RFX2: variants seen among roughly 807,000 people sequenced by gnomAD.
RFX2 encodes DNA-binding protein RFX2.
A neutral mutation model predicts 87.8 loss-of-function variants in RFX2; 20 were observed. The observed-to-expected ratio is 0.23, with a 90% CI of 0.16 to 0.33. The LOEUF is 0.33. RFX2 is among the 10% of genes least tolerant of loss of function. The pLI, the probability that RFX2 is intolerant of heterozygous loss-of-function variation, is 1.00. For missense variants in RFX2, 767 were observed against 1,012.3 expected, an observed-to-expected ratio of 0.76 and a Z score of 3.29; for synonymous variants, 397 against 431.3, an observed-to-expected ratio of 0.92 and a Z score of 0.98.
At chr19:6,068,830 C>A (rs1020245325) in intron 1 of RFX2, among the ~76,000 whole-genome samples, 1 of 152,086 alleles carries the variant, frequency 6.6e-6, no homozygotes, top group African/African-American at 2.4e-5. Context: ...TTTAACCAGG[C>A]CCCTCTGGCT....
In RFX2 at chr19:6,008,379, T is replaced by C. The variant is rs183550614; in HGVS notation, c.1016-155A>G. 1,585 of 463,768 alleles carry C rather than the reference T, an allele frequency of 3.4e-3. 21 individuals are homozygous for C. Among genetic ancestry groups the C allele is most frequent in the African/African-American group, 0.025 (1,244 of 49,146 alleles). 28.7% of individuals were successfully genotyped at this position (463,768 alleles called of 1,614,324 possible). Reference sequence around the variant, plus strand: ...TTTTTCTTTCTTTTTCTTTTTCTTTTTTTTTTTTTTGGAGACAGGGCCTTG... The same window carrying C: ...TTTTTCTTTCTTTTTCTTTTTCTTTCTTTTTTTTTTGGAGACAGGGCCTTG... On this transcript the variant is annotated intron_variant, in intron 9 of 17. Coordinates refer to ENST00000303657, the MANE Select transcript of RFX2 (RefSeq NM_000635.4).
Position 6,003,685 on chromosome 19 carries a change from A to G in RFX2, c.1500+516T>C, listed in dbSNP as rs537706983. ...TCCCAGCTATTCGGGAGGCTGAGGC[A>G]GGAGAATCGCTTGAACCCGGGAGGC... is the stretch of plus-strand genomic sequence containing the variant. On this transcript the variant is annotated intron_variant, in intron 13 of 17. Coordinates refer to ENST00000303657, the MANE Select transcript of RFX2 (RefSeq NM_000635.4). 8.2e-4 allele frequency among the ~76,000 whole-genome samples: 121 copies of G among 147,804 alleles called. 1 individual carries two copies. The highest frequency in any genetic ancestry group is 3.4e-3 in the Middle Eastern group (1 of 292).
intron 5 of RFX2, among the ~76,000 whole-genome samples, chr19:6,038,503 T>A (rs553875640): frequency 2.0e-5 from 3 of 150,552 alleles, no homozygotes; most frequent in South Asian, 2.1e-4. Flanking sequence ...AAAATTAAAA[T>A]TTTTTTTTTC....
In RFX2 at chr19:6,042,074, C is replaced by T. The variant is rs773074998; in HGVS notation, c.230G>A (p.Gly77Glu). The T allele has an allele frequency of 6.2e-7, 1 of 1,613,884 alleles. No individual in the cohort carries two copies. Among genetic ancestry groups the T allele is most frequent in the Non-Finnish European group, 8.5e-7 (1 of 1,180,008 alleles). ...TCCATTGGTGTAGACGGCGTCTCCC[C>T]CTTCCACGTACTGCACCTGGGCAGG... ...VYPAQVQYVE[G>E]GDAVYTNGAI... The change falls in exon 4 of 18, where the codon GGG becomes GAG. Residue 77 changes from glycine (G) to glutamate (E), a missense_variant. By Grantham distance (98) the Gly-to-Glu change is moderately conservative. This residue lies in a region of RFX2 where 146 missense variants were observed against 139.2 expected (regional missense o/e 1.05). Coordinates refer to ENST00000303657, the MANE Select transcript of RFX2 (RefSeq NM_000635.4).
At chr19:6,098,632 C>T (rs1475114710) in intron 1 of RFX2, among the ~76,000 whole-genome samples, 1 of 151,876 alleles carries the variant, frequency 6.6e-6, no homozygotes, top group African/African-American at 2.4e-5. Context: ...TTAAAGATAC[C>T]TTAACACCCA....
In RFX2 at chr19:6,001,507, C is replaced by T. The variant is rs531867135; in HGVS notation, c.1859+308G>A. Among the ~76,000 whole-genome samples the T allele has an allele frequency of 3.3e-5, 5 of 152,322 alleles. No individual in the cohort carries two copies. In the East Asian group the frequency reaches 9.6e-4, roughly 29 times the overall value. On this transcript the variant is annotated intron_variant, in intron 15 of 17. Transcript: ENST00000303657. The surrounding 1 kb of genome is among the most constrained non-coding windows in gnomAD (Gnocchi z 5.6). ...TTCTGGTCTCAAGCCATCCTCCTGC[C>T]TTGGCCTCCCAAAGTGGTGGGATTA...
At chr19:6,041,241 G>A (rs939933371) in intron 4 of RFX2, among the ~76,000 whole-genome samples, 2 of 152,054 alleles carry the variant, frequency 1.3e-5, no homozygotes, top group African/African-American at 4.8e-5. Context: ...GGTGTGCACC[G>A]CCACAGTGGC....
rs1221697967 is a variant in RFX2, at chr19:6,039,318, G to A, written c.522+662C>T. ...CCAAGGGCTGGGGATGGGGGAGGTT[G>A]TGACTGCCAAGAAATACCACGAGGG... On this transcript the variant is annotated intron_variant, in intron 5 of 17. Transcript: ENST00000303657. This position sits in a 1 kb window ranked among gnomAD's most constrained non-coding sequence, Gnocchi z 5.2. Among the ~76,000 whole-genome samples, 1 of 152,238 alleles carries A rather than the reference G, an allele frequency of 6.6e-6. No homozygotes were observed. Among genetic ancestry groups the A allele is most frequent in the Non-Finnish European group, 1.5e-5 (1 of 68,036 alleles).
chr19:6,100,963 A>G (rs2088118431), intron 1 of RFX2, among the ~76,000 whole-genome samples: 1 of 151,718 alleles, frequency 6.6e-6, no homozygotes, highest in Non-Finnish European at 1.5e-5. Flanking sequence ...CAGTAAAAAT[A>G]CCAGGATTTA....
At position 6,064,538 on chromosome 19, in the gene RFX2, T is replaced by G. The variant is rs1480833402; in HGVS notation, c.-8-17034A>C. The stretch of plus-strand genomic sequence containing the variant: ...GAGGAGTGGACCTTGAAATGACAAG[T>G]GACAGTTCCTCAGCAGTAGCATCTC... On this transcript the variant is annotated intron_variant, in intron 1 of 17. Coordinates refer to ENST00000303657, the MANE Select transcript of RFX2 (RefSeq NM_000635.4). This position sits in a 1 kb window ranked among gnomAD's most constrained non-coding sequence, Gnocchi z 4.8. Among the ~76,000 whole-genome samples the G allele has an allele frequency of 6.6e-6, 1 of 152,220 alleles. No individual in the cohort carries two copies. Among genetic ancestry groups the G allele is most frequent in the Non-Finnish European group, 1.5e-5 (1 of 68,038 alleles).
chr19:6,007,761 G>C lies in RFX2; in HGVS notation c.1176C>G (p.Ile392Met), dbSNP rs189822363. Reference protein sequence around the residue: ...DVVMNLQFHYIEKLWLSFWNS... With the variant: ...DVVMNLQFHYMEKLWLSFWNS... ...TCCAGAAGGAGAGCCACAGCTTCTC[G>C]ATGTAGTGGAACTGGAGGTTCATCA... is the stretch of plus-strand genomic sequence containing the variant. Residue 392 changes from isoleucine (I) to methionine (M), a missense_variant, in exon 11 of 18, where the codon ATC becomes ATG. Ile to Met is a conservative substitution (Grantham distance 10). Coordinates refer to ENST00000303657, the MANE Select transcript of RFX2 (RefSeq NM_000635.4). The surrounding 1 kb of genome is among the most constrained non-coding windows in gnomAD (Gnocchi z 8.2). 6 of 1,555,222 alleles carry C rather than the reference G, an allele frequency of 3.9e-6. No individual in the cohort carries two copies. Among genetic ancestry groups the C allele is most frequent in the East Asian group, 2.4e-5 (1 of 41,370 alleles).
Position 6,016,327 on chromosome 19 carries a change from C to T in RFX2, c.598-56G>A. On this transcript the variant is annotated intron_variant, in intron 6 of 17. Transcript: ENST00000303657. The surrounding 1 kb of genome is among the most constrained non-coding windows in gnomAD (Gnocchi z 5.4). Reference sequence around the variant, plus strand: ...CAGAAGCCTGAGGAACGCTAACATGCCAACGTGGACTCATTAAGAGAATTA... The same window carrying T: ...CAGAAGCCTGAGGAACGCTAACATGTCAACGTGGACTCATTAAGAGAATTA... The T allele has an allele frequency of 1.6e-6, 2 of 1,266,364 alleles. No individual in the cohort carries two copies. The highest frequency in any genetic ancestry group is 2.2e-6 in the Non-Finnish European group (2 of 903,340). The allele number at this position is 1,266,364 out of a possible 1,614,324, so 78.4% of individuals were successfully genotyped here. A position where few individuals can be genotyped will look rare whatever the true frequency, so the allele number is the denominator to read the frequency against.
rs1440569875 is a variant in RFX2, at chr19:6,050,013, G to A, written c.-8-2509C>T. Among the ~76,000 whole-genome samples, 1 of 152,234 alleles carries A rather than the reference G, an allele frequency of 6.6e-6. No individual in the cohort carries two copies. The highest frequency in any genetic ancestry group is 2.4e-5 in the African/African-American group (1 of 41,452). On this transcript the variant is annotated intron_variant, in intron 1 of 17. Transcript: ENST00000303657. This position sits in a 1 kb window ranked among gnomAD's most constrained non-coding sequence, Gnocchi z 4.6. ...ATGCTGGGGTGTGGAGATTCTGGAAGAGAGAGAGCCACAGAAGGGGTGAGC... is the reference window on the plus strand; with the variant it reads ...ATGCTGGGGTGTGGAGATTCTGGAAAAGAGAGAGCCACAGAAGGGGTGAGC...
intron 1 of RFX2, among the ~76,000 whole-genome samples, chr19:6,103,499 C>T (rs2088160189): frequency 6.6e-6 from 1 of 152,274 alleles, no homozygotes; most frequent in African/African-American, 2.4e-5. Context: ...CCAAGTGGCT[C>T]ATTTCCAGAC....
In RFX2 at chr19:6,053,921, A is replaced by C. The variant is rs180713860; in HGVS notation, c.-8-6417T>G. ...CAGTGAGCTGAGATTGCACTACTGC[A>C]CTCCAGCCTGGGTGACAGAGCAAGA... On this transcript the variant is annotated intron_variant, in intron 1 of 17. Coordinates refer to ENST00000303657, the MANE Select transcript of RFX2 (RefSeq NM_000635.4). Among the ~76,000 whole-genome samples the C allele has an allele frequency of 2.6e-3, 377 of 145,936 alleles. 3 individuals are homozygous for C. The highest frequency in any genetic ancestry group is 9.2e-3 in the African/African-American group (356 of 38,764).
chr19:6,031,974 G>A (rs10402138), intron 5 of RFX2, among the ~76,000 whole-genome samples: 21,401 of 152,044 alleles, frequency 0.14, 4,686 homozygotes, highest in African/African-American at 0.47. Flanking sequence ...ACACGAGACA[G>A]AGAGGGCCAC....
At chr19:6,009,662 G>T (rs2086635403) in intron 9 of RFX2, among the ~76,000 whole-genome samples, 1 of 152,098 alleles carries the variant, frequency 6.6e-6, no homozygotes, top group Admixed American at 6.5e-5. Flanking sequence ...GCTCACTGCA[G>T]CCTCGAACTT....
At position 6,039,854 on chromosome 19, in the gene RFX2, C is replaced by T. The variant is rs1213112332; in HGVS notation, c.522+126G>A. Reference sequence around the variant, plus strand: ...GGCTGGCCCGACTCCATCGTGGGGCCGCCTGGGCCCAGAGCAGACGACAGC... The same window carrying T: ...GGCTGGCCCGACTCCATCGTGGGGCTGCCTGGGCCCAGAGCAGACGACAGC... On this transcript the variant is annotated intron_variant, in intron 5 of 17. Coordinates refer to ENST00000303657, the MANE Select transcript of RFX2 (RefSeq NM_000635.4). This position sits in a 1 kb window ranked among gnomAD's most constrained non-coding sequence, Gnocchi z 5.2. 35 of 1,184,426 alleles carry T rather than the reference C, an allele frequency of 3.0e-5. No individual in the cohort carries two copies. The East Asian group carries it at 3.7e-4, about 13-fold the overall frequency. 73.4% of individuals were successfully genotyped at this position (1,184,426 alleles called of 1,614,324 possible). A position where few individuals can be genotyped will look rare whatever the true frequency, so the allele number is the denominator to read the frequency against.
chr19:6,082,067 C>T (rs746052933), intron 1 of RFX2, among the ~76,000 whole-genome samples: 8 of 151,880 alleles, frequency 5.3e-5, no homozygotes, highest in Non-Finnish European at 1.0e-4. Context: ...AGCACTCTAG[C>T]CTAGGCGACA....
Sources: allele counts gnomAD v4.1 joint callset (sites outside exome capture counted in the v4.1 genomes callset), GRCh38; gene constraint gnomAD v4.1.1; regional missense constraint gnomAD v4.1.1; non-coding constraint Gnocchi (gnomAD v3.1); transcripts MANE v1.5; gene names NCBI Gene and HGNC (gene_info 2026-07-23, HGNC 2026-07-21).